The following HS6ST3 variants were observed in gnomAD, a reference collection of about 807,000 sequenced individuals.
HS6ST3 encodes the protein heparan sulfate 6-O-sulfotransferase 3, also known as heparan-sulfate 6-O-sulfotransferase 3.
A neutral mutation model predicts 36.7 loss-of-function variants in HS6ST3; 12 were observed. That is an observed-to-expected ratio of 0.33 (90% CI 0.21 to 0.53). The LOEUF (loss-of-function observed/expected upper bound fraction) is 0.53, where lower values mean the gene tolerates loss of function less well. HS6ST3 is among the 20% of genes least tolerant of loss of function. HS6ST3 has a pLI of 0.95. For synonymous variants in HS6ST3, 240 were observed against 257.5 expected (o/e 0.93, Z 0.65); for missense variants, 584 against 640.9 (o/e 0.91, Z 0.96).
chr13:96,321,091 T>A (rs1031147405), intron 1 of HS6ST3, among the ~76,000 whole-genome samples: 2 of 152,070 alleles, frequency 1.3e-5, no homozygotes, highest in Admixed American at 6.5e-5. Flanking sequence ...GCAGCCTTTT[T>A]TTTTTACTTT....
At chr13:96,509,859 G>T (rs757024198) in intron 1 of HS6ST3, among the ~76,000 whole-genome samples, 19 of 152,092 alleles carry the variant, frequency 1.2e-4, no homozygotes, top group Middle Eastern at 3.4e-3. Context: ...ATTTAGGATT[G>T]TTTTTTCCAA....
chr13:96,768,854 C>G (rs527547816), intron 1 of HS6ST3, among the ~76,000 whole-genome samples: 3 of 152,064 alleles, frequency 2.0e-5, no homozygotes, highest in East Asian at 1.9e-4. Context: ...AACTCTAAAC[C>G]CATACTTCAG....
At position 96,530,858 on chromosome 13, in the gene HS6ST3, AT is replaced by A. The variant is rs780911111; in HGVS notation, c.708-301628del. ...CACCCACTACCCTCTTGAGACACAA[AT>A]TTTAATGTGCATTAGAATCACCTGG... On this transcript the variant is annotated intron_variant, in intron 1 of 1. Coordinates refer to ENST00000376705, the MANE Select transcript of HS6ST3 (RefSeq NM_153456.4). Among the ~76,000 whole-genome samples, 102 of 152,096 alleles carry A rather than the reference AT, an allele frequency of 6.7e-4. 1 individual carries two copies. The highest frequency in any genetic ancestry group is 2.6e-4 in the Non-Finnish European group (18 of 68,014).
Position 96,091,210 on chromosome 13 carries a change from A to G in HS6ST3, c.348A>G (p.Glu116=), listed in dbSNP as rs777751352. The change falls in exon 1 of 2, where the codon GAA becomes GAG. Residue 116 remains glutamate, a synonymous_variant. Transcript: ENST00000376705. ...EEDEPDPEAP[E]NGSLPRFVPR... ...ACGAGCCGGACCCCGAGGCCCCGGA[A>G]AACGGCTCCCTGCCCCGATTCGTGC... The G allele has an allele frequency of 1.3e-6, 2 of 1,567,654 alleles. No individual in the cohort carries two copies. The highest frequency in any genetic ancestry group is 1.7e-6 in the Non-Finnish European group (2 of 1,155,860).
chr13:96,661,670 G>C (rs568565305), intron 1 of HS6ST3, among the ~76,000 whole-genome samples: 1 of 152,236 alleles, frequency 6.6e-6, no homozygotes, highest in Admixed American at 6.5e-5. Flanking sequence ...AGTCATAAAT[G>C]TGTGTTTGCT....
intron 1 of HS6ST3, among the ~76,000 whole-genome samples, chr13:96,504,557 A>C (rs74106496): frequency 0.015 from 2,262 of 152,210 alleles, 60 homozygotes; most frequent in African/African-American, 0.051. Context: ...GAAAATAATA[A>C]AAAATAAAAT....
At chr13:96,796,567 TG>T in intron 1 of HS6ST3, among the ~76,000 whole-genome samples, 1 of 152,232 alleles carries the variant, frequency 6.6e-6, no homozygotes, top group East Asian at 1.9e-4. Flanking sequence ...TGAAAAGACA[TG>T]GGCTTTGGTG....
chr13:96,448,741 C>T (rs190650311), intron 1 of HS6ST3, among the ~76,000 whole-genome samples: 85 of 152,172 alleles, frequency 5.6e-4, no homozygotes, highest in African/African-American at 1.9e-3. Context: ...TAATGTCTCT[C>T]TAACAAAGTG....
chr13:96,273,376 C>T (rs1450717173), intron 1 of HS6ST3, among the ~76,000 whole-genome samples: 1 of 151,980 alleles, frequency 6.6e-6, no homozygotes, highest in Non-Finnish European at 1.5e-5. Context: ...CAGATACTGA[C>T]TGCTTCATCA....
At chr13:96,542,543 T>G (rs1362491020) in intron 1 of HS6ST3, among the ~76,000 whole-genome samples, 1 of 152,190 alleles carries the variant, frequency 6.6e-6, no homozygotes, top group Admixed American at 6.5e-5. Context: ...GTTCTCATAT[T>G]ACTCCTAATG....
At chr13:96,223,438 G>A (rs2054465211) in intron 1 of HS6ST3, among the ~76,000 whole-genome samples, 1 of 152,158 alleles carries the variant, frequency 6.6e-6, no homozygotes, top group Admixed American at 6.5e-5. Flanking sequence ...TGGCTTGAAC[G>A]CCTCACTGAC....
chr13:96,510,362 T>A (rs2056044656), intron 1 of HS6ST3, among the ~76,000 whole-genome samples: 1 of 152,174 alleles, frequency 6.6e-6, no homozygotes, highest in Admixed American at 6.6e-5. Context: ...ATGCTTTTTA[T>A]TTCTTTCTCT....
intron 1 of HS6ST3, among the ~76,000 whole-genome samples, chr13:96,515,977 T>C (rs1462858396): frequency 1.3e-5 from 2 of 152,130 alleles, no homozygotes; most frequent in Non-Finnish European, 2.9e-5. Context: ...CAGAGTTCCA[T>C]TTTACCAGTT....
At chr13:96,379,339 G>A (rs576231870) in intron 1 of HS6ST3, among the ~76,000 whole-genome samples, 6 of 152,256 alleles carry the variant, frequency 3.9e-5, no homozygotes, top group South Asian at 4.1e-4. Context: ...GAGCCCTCCC[G>A]GATGTGACTA....
chr13:96,592,460 A>G (rs182405497), intron 1 of HS6ST3, among the ~76,000 whole-genome samples: 26 of 152,286 alleles, frequency 1.7e-4, no homozygotes, highest in Admixed American at 3.3e-4. Context: ...CACCACAATT[A>G]CAGTGTTATG....
At chr13:96,338,486 G>T (rs1378015048) in intron 1 of HS6ST3, among the ~76,000 whole-genome samples, 3 of 152,152 alleles carry the variant, frequency 2.0e-5, no homozygotes, top group Non-Finnish European at 4.4e-5. Flanking sequence ...CTCTGCTGGA[G>T]CATGAGAGGG....
chr13:96,190,791 G>T (rs969710509), intron 1 of HS6ST3, among the ~76,000 whole-genome samples: 12 of 152,152 alleles, frequency 7.9e-5, no homozygotes, highest in Non-Finnish European at 1.3e-4. Flanking sequence ...TTTCAGTATG[G>T]ACCTGAATGG....
At chr13:96,206,045 A>G (rs2054368690) in intron 1 of HS6ST3, among the ~76,000 whole-genome samples, 1 of 152,180 alleles carries the variant, frequency 6.6e-6, no homozygotes, top group Admixed American at 6.5e-5. Flanking sequence ...AGATAACATG[A>G]TCTTATATCT....
intron 1 of HS6ST3, among the ~76,000 whole-genome samples, chr13:96,420,589 G>A (rs185043112): frequency 6.0e-4 from 91 of 152,252 alleles, no homozygotes; most frequent in Non-Finnish European, 8.4e-4. Flanking sequence ...GCCGATAATT[G>A]ATGGTCATAT....
Sources: gnomAD v4.1 joint callset for allele counts (sites outside exome capture counted in the v4.1 genomes callset) on GRCh38, gnomAD v4.1.1 for gene constraint, MANE v1.5 for transcripts, NCBI Gene and HGNC (gene_info 2026-07-23, HGNC 2026-07-21) for gene names.